The following TMEM17 variants were observed in gnomAD, a reference collection of about 807,000 sequenced individuals.
The protein encoded by TMEM17 is transmembrane protein 17.
TMEM17 carries 15 observed loss-of-function variants against 19.1 expected under a neutral mutation model. That is an observed-to-expected ratio of 0.78 (90% CI 0.52 to 1.21). TMEM17 has a LOEUF of 1.21. Among genes scored for constraint, TMEM17 ranks in the 50% most tolerant of loss-of-function variants. The pLI is 0.00. For synonymous variants in TMEM17, 103 were observed against 86.9 expected, an observed-to-expected ratio of 1.19 and a Z score of -1.03; for missense variants, 245 against 242.3, an observed-to-expected ratio of 1.01 and a Z score of -0.07.
At chr2:62,471,949 T>C in the TMEM17 span, among the ~76,000 whole-genome samples, 2 of 152,226 alleles carry the variant, frequency 1.3e-5, no homozygotes, top group Admixed American at 6.5e-5. Context: ...TTTATCTATA[T>C]TGGAAGAGCA....
the TMEM17 span, among the ~76,000 whole-genome samples, chr2:62,466,385 G>A: frequency 6.6e-6 from 1 of 152,228 alleles, no homozygotes; most frequent in East Asian, 1.9e-4. Flanking sequence ...AGACGCTGAA[G>A]CGCAAAAGGG....
chr2:62,489,010 T>C, the TMEM17 span, among the ~76,000 whole-genome samples: 1 of 152,176 alleles, frequency 6.6e-6, no homozygotes, highest in Non-Finnish European at 1.5e-5. Context: ...ACGGACACCC[T>C]TACCAGGTGA....
chr2:62,477,059 T>C, the TMEM17 span, among the ~76,000 whole-genome samples: 1 of 152,076 alleles, frequency 6.6e-6, no homozygotes, highest in African/African-American at 2.4e-5. Context: ...TACGGTGTGT[T>C]ATTGAGGCCA....
In TMEM17 at chr2:62,500,931, A is replaced by G; in HGVS notation, c.*278T>C. Reference sequence around the variant, plus strand: ...GCTACGAGAGAGCTGGCAAATGACAACCACCAATACATAGATTTCTACACT... The same window carrying G: ...GCTACGAGAGAGCTGGCAAATGACAGCCACCAATACATAGATTTCTACACT... On this transcript the variant is annotated 3_prime_UTR_variant, in exon 4 of 4. Coordinates refer to ENST00000335390, the MANE Select transcript of TMEM17 (RefSeq NM_198276.3). 1 of 283,000 alleles carries G rather than the reference A, an allele frequency of 3.5e-6. No individual in the cohort carries two copies. The highest frequency in any genetic ancestry group is 6.6e-6 in the Non-Finnish European group (1 of 152,224). 17.5% of individuals were successfully genotyped at this position (283,000 alleles called of 1,614,324 possible). A position where few individuals can be genotyped will look rare whatever the true frequency, so the allele number is the denominator to read the frequency against.
the TMEM17 span, among the ~76,000 whole-genome samples, chr2:62,464,732 G>A: frequency 2.0e-5 from 3 of 152,150 alleles, no homozygotes; most frequent in South Asian, 4.1e-4. Flanking sequence ...TTCAGGGATC[G>A]GAGTTTTTAA....
chr2:62,505,601 C>T (rs1680045002), intron 1 of TMEM17, among the ~76,000 whole-genome samples: 1 of 152,206 alleles, frequency 6.6e-6, no homozygotes, highest in Non-Finnish European at 1.5e-5. Flanking sequence ...TGGGCTATTC[C>T]TCGTCATCCT....
chr2:62,496,694 C>T (rs2103719568), downstream of TMEM17, among the ~76,000 whole-genome samples: 1 of 152,252 alleles, frequency 6.6e-6, no homozygotes, highest in East Asian at 1.9e-4. Flanking sequence ...TCTTGTGATC[C>T]TATTCCTTTA....
the TMEM17 span, among the ~76,000 whole-genome samples, chr2:62,470,879 C>T: frequency 6.6e-6 from 1 of 152,208 alleles, no homozygotes; most frequent in African/African-American, 2.4e-5. Context: ...CACTCCAGTT[C>T]CAAGGGCTGC....
At chr2:62,457,000 G>A in the TMEM17 span, among the ~76,000 whole-genome samples, 2 of 152,198 alleles carry the variant, frequency 1.3e-5, no homozygotes, top group Admixed American at 6.5e-5. Flanking sequence ...CGGGGGCCGG[G>A]TGCTGCTGCT....
At chr2:62,482,911 C>T in the TMEM17 span, among the ~76,000 whole-genome samples, 2 of 152,178 alleles carry the variant, frequency 1.3e-5, no homozygotes, top group Admixed American at 1.3e-4. Context: ...GACTAATAAA[C>T]AAATTGGTAT....
At chr2:62,460,586 T>A in the TMEM17 span, among the ~76,000 whole-genome samples, 1 of 152,222 alleles carries the variant, frequency 6.6e-6, no homozygotes, top group Non-Finnish European at 1.5e-5. Flanking sequence ...ATATTTGTAT[T>A]TTTAAAAAAA....
the TMEM17 span, among the ~76,000 whole-genome samples, chr2:62,494,988 C>T: frequency 6.6e-6 from 1 of 152,150 alleles, no homozygotes; most frequent in Non-Finnish European, 1.5e-5. Flanking sequence ...GCACTCCAGC[C>T]TGGGTGACAG....
At chr2:62,464,523 T>A in the TMEM17 span, among the ~76,000 whole-genome samples, 1 of 152,148 alleles carries the variant, frequency 6.6e-6, no homozygotes, top group Non-Finnish European at 1.5e-5. Context: ...AAGACAAAAC[T>A]TCACTTCTGT....
intron 1 of TMEM17, among the ~76,000 whole-genome samples, chr2:62,504,543 T>A (rs1340626610): frequency 6.6e-6 from 1 of 152,222 alleles, no homozygotes; most frequent in Non-Finnish European, 1.5e-5. Context: ...GCTATGTCCA[T>A]ATTTCAGCAG....
chr2:62,491,096 A>AC, the TMEM17 span: 2 of 152,204 alleles, frequency 1.3e-5, no homozygotes, highest in South Asian at 4.2e-4. Flanking sequence ...AAAAAAAAAA[A>AC]AAAAAAAAAC....
the TMEM17 span, among the ~76,000 whole-genome samples, chr2:62,455,848 A>G: frequency 4.2e-3 from 639 of 152,352 alleles, 5 homozygotes; most frequent in African/African-American, 0.015. Flanking sequence ...TGAAAATTAT[A>G]GTTCTTCCAC....
At chr2:62,458,176 A>T in the TMEM17 span, among the ~76,000 whole-genome samples, 1 of 152,244 alleles carries the variant, frequency 6.6e-6, no homozygotes, top group African/African-American at 2.4e-5. Flanking sequence ...CCAAGGTTAG[A>T]ACTCAAGCCT....
At chr2:62,454,188 G>C in the TMEM17 span, among the ~76,000 whole-genome samples, 1 of 152,226 alleles carries the variant, frequency 6.6e-6, no homozygotes, top group Non-Finnish European at 1.5e-5. Flanking sequence ...GAGCAGCCTA[G>C]TCGGCAGAGT....
chr2:62,460,671 A>C, the TMEM17 span, among the ~76,000 whole-genome samples: 1 of 152,198 alleles, frequency 6.6e-6, no homozygotes, highest in African/African-American at 2.4e-5. Context: ...TTTAGTCCTG[A>C]AGGTCGCATT....
Sources: gnomAD v4.1 joint callset for allele counts (sites outside exome capture counted in the v4.1 genomes callset) on GRCh38, gnomAD v4.1.1 for gene constraint, MANE v1.5 for transcripts, NCBI Gene and HGNC (gene_info 2026-07-23, HGNC 2026-07-21) for gene names.